The following PCDHGA1 variants were observed in gnomAD, a reference collection of about 807,000 sequenced individuals.
The protein encoded by PCDHGA1 is protocadherin gamma subfamily A, 1, also known as protocadherin gamma-A1.
In PCDHGA1, 32 loss-of-function variants were observed where a neutral mutation model predicts 58.0. The observed-to-expected ratio is 0.55, with a 90% confidence interval of 0.42 to 0.74. The LOEUF (loss-of-function observed/expected upper bound fraction) is 0.74. Among genes scored for constraint, PCDHGA1 ranks in the 30% least tolerant of loss-of-function variants. PCDHGA1 has a pLI of 0.00. For missense variants in PCDHGA1, 1,205 were observed against 1,182.3 expected, an observed-to-expected ratio of 1.02 and a Z score of -0.28; for synonymous variants, 498 against 501.1, an observed-to-expected ratio of 0.99 and a Z score of 0.08.
chr5:141,477,644 T>A lies in PCDHGA1; in HGVS notation c.2422-17163T>A. On this transcript the variant is annotated intron_variant, in intron 1 of 3. Coordinates refer to ENST00000517417, the MANE Select transcript of PCDHGA1 (RefSeq NM_018912.3). The surrounding 1 kb of genome is among the most constrained non-coding windows in gnomAD (Gnocchi z 4.9). ...TGAAACCGGGCTAGTGGGTCGCTAT[T>A]TCACAATAAATCGTGACAATGGCAT... The A allele has an allele frequency of 6.2e-7, 1 of 1,614,200 alleles. No homozygotes were observed. Among genetic ancestry groups the A allele is most frequent in the Non-Finnish European group, 8.5e-7 (1 of 1,180,036 alleles).
rs1561471412 is a variant in PCDHGA1, at chr5:141,331,593, TAAAG to T, written c.912_915del (p.Lys304AsnfsTer3). 1.1e-5 allele frequency: 17 copies of T among 1,613,894 alleles called. No individual in the cohort carries two copies. The highest frequency in any genetic ancestry group is 6.6e-5 in the South Asian group (6 of 91,082). On this transcript the variant is annotated frameshift_variant, in exon 1 of 4. Transcript: ENST00000517417. LOFTEE classifies it high-confidence loss of function. Reference sequence around the variant, plus strand: ...ATTCTTACACAGGAGAAATATCAAATAAAGAACCACTAGATTTCGAAGAATACAA... The same window carrying T: ...ATTCTTACACAGGAGAAATATCAAATAACCACTAGATTTCGAAGAATACAA...
intron 1 of PCDHGA1, chr5:141,418,387 G>T: frequency 1.9e-6 from 3 of 1,614,002 alleles, no homozygotes; most frequent in Non-Finnish European, 2.5e-6. Flanking sequence ...GTCCTAACGA[G>T]TATTTCTCAT....
chr5:141,500,318 C>T (rs1005060282), intron 2 of PCDHGA1, among the ~76,000 whole-genome samples: 3 of 151,948 alleles, frequency 2.0e-5, no homozygotes, highest in African/African-American at 7.3e-5. Context: ...ACGCCATGCT[C>T]CTGCCTCAGC....
rs568314069 is a variant in PCDHGA1 at position 141,486,371 on chromosome 5, G to C, written c.2422-8436G>C. 53 of 1,614,138 alleles carry C rather than the reference G, an allele frequency of 3.3e-5. 2 individuals are homozygous for C. The South Asian group carries it at 5.3e-4, about 16-fold the overall frequency. Reference sequence around the variant, plus strand: ...CCACTTGCCATTTGCCCTCAAGTCTGCCTTCAGGAACCAGTTCTCCCTGGT... The same window carrying C: ...CCACTTGCCATTTGCCCTCAAGTCTCCCTTCAGGAACCAGTTCTCCCTGGT... On this transcript the variant is annotated intron_variant, in intron 1 of 3. Transcript: ENST00000517417. The surrounding 1 kb of genome is among the most constrained non-coding windows in gnomAD (Gnocchi z 5.0).
intron 1 of PCDHGA1, among the ~76,000 whole-genome samples, chr5:141,467,950 C>T (rs780236016): frequency 2.6e-5 from 4 of 152,290 alleles, no homozygotes; most frequent in Admixed American, 6.5e-5. Context: ...TGAGCCACCA[C>T]ACCCGGCTGC....
rs558730748 is a variant in PCDHGA1, at chr5:141,469,995, G to A, written c.2422-24812G>A. Reference sequence around the variant, plus strand: ...AAAATACAAAAATTAGCTGGTCGTCGTGGCACGCCTGTAATCCCAGCTACT... The same window carrying A: ...AAAATACAAAAATTAGCTGGTCGTCATGGCACGCCTGTAATCCCAGCTACT... On this transcript the variant is annotated intron_variant, in intron 1 of 3. Coordinates refer to ENST00000517417, the MANE Select transcript of PCDHGA1 (RefSeq NM_018912.3). Among the ~76,000 whole-genome samples, 8 of 152,194 alleles carry A rather than the reference G, an allele frequency of 5.3e-5. No homozygotes were observed. In the East Asian group the frequency reaches 5.8e-4, roughly 11 times the overall value.
At chr5:141,363,105 T>C (rs542430438) in intron 1 of PCDHGA1, among the ~76,000 whole-genome samples, 1 of 152,370 alleles carries the variant, frequency 6.6e-6, no homozygotes, top group African/African-American at 2.4e-5. Context: ...CAGGCAATGT[T>C]TGAGGTCTGA....
chr5:141,392,942 C>T, intron 1 of PCDHGA1: 2 of 1,613,954 alleles, frequency 1.2e-6, no homozygotes, highest in Non-Finnish European at 1.7e-6. Context: ...ACAAAGGCTC[C>T]TTCGTGGGTA....
At chr5:141,356,906 C>A (rs768015584) in intron 1 of PCDHGA1, 2 of 1,614,228 alleles carry the variant, frequency 1.2e-6, no homozygotes, top group Non-Finnish European at 1.7e-6. Context: ...ACCTTCCCTA[C>A]TGATGGCTCC....
intron 1 of PCDHGA1, chr5:141,421,344 G>A: frequency 6.2e-7 from 1 of 1,613,976 alleles, no homozygotes; most frequent in Non-Finnish European, 8.5e-7. Context: ...TGCCAGAAGA[G>A]ACCGAAAAGG....
chr5:141,477,013 T>C lies in PCDHGA1; in HGVS notation c.2422-17794T>C. ...TGCGGCAACTATTCGCCTTAGACCT[T>C]GTAACCGGGATGCTGACAATCAAGG... On this transcript the variant is annotated intron_variant, in intron 1 of 3. Coordinates refer to ENST00000517417, the MANE Select transcript of PCDHGA1 (RefSeq NM_018912.3). The surrounding 1 kb of genome is among the most constrained non-coding windows in gnomAD (Gnocchi z 4.9). 6.2e-7 allele frequency: 1 copy of C among 1,614,204 alleles called. No homozygotes were observed. The highest frequency in any genetic ancestry group is 8.5e-7 in the Non-Finnish European group (1 of 1,180,028).
intron 1 of PCDHGA1, chr5:141,345,340 C>T (rs370949279): frequency 1.9e-6 from 3 of 1,614,058 alleles, no homozygotes; most frequent in Admixed American, 3.3e-5. Flanking sequence ...TCCACAGAAA[C>T]TCACATCACC....
chr5:141,365,585 A>G (rs749384821), intron 1 of PCDHGA1: 2 of 1,613,578 alleles, frequency 1.2e-6, no homozygotes, highest in Non-Finnish European at 1.7e-6. Context: ...TTCAGATTAT[A>G]ATATCACTTT....
At chr5:141,414,452 T>G in intron 1 of PCDHGA1, 1 of 1,613,886 alleles carries the variant, frequency 6.2e-7, no homozygotes, top group Non-Finnish European at 8.5e-7. Context: ...AATATCACAG[T>G]GACAGCCACA....
intron 1 of PCDHGA1, among the ~76,000 whole-genome samples, chr5:141,380,858 G>A (rs1193255513): frequency 6.6e-6 from 1 of 152,216 alleles, no homozygotes; most frequent in Non-Finnish European, 1.5e-5. Flanking sequence ...AAGACATTGA[G>A]AGCTATAACC....
At chr5:141,343,833 T>C (rs943041178) in intron 1 of PCDHGA1, 22 of 500,670 alleles carry the variant, frequency 4.4e-5, no homozygotes, top group African/African-American at 3.8e-4. Context: ...TAGTCCACCA[T>C]TTCCTTGCTC....
chr5:141,456,308 T>C (rs2098849199), intron 1 of PCDHGA1, among the ~76,000 whole-genome samples: 1 of 152,156 alleles, frequency 6.6e-6, no homozygotes, highest in Non-Finnish European at 1.5e-5. Context: ...GAACAGCAGC[T>C]AGGGCTCCTC....
At chr5:141,500,192 A>T (rs865941565) in intron 2 of PCDHGA1, among the ~76,000 whole-genome samples, 1 of 110,142 alleles carries the variant, frequency 9.1e-6, no homozygotes, top group Non-Finnish European at 2.0e-5. Context: ...ATTTTTATTT[A>T]TTTATTTATT....
chr5:141,344,748 C>G (rs1004554278), intron 1 of PCDHGA1: 3 of 1,613,884 alleles, frequency 1.9e-6, no homozygotes, highest in Non-Finnish European at 2.5e-6. Context: ...AAATGACAAC[C>G]CACCAATGTT....
Sources: gnomAD v4.1 joint callset for allele counts (sites outside exome capture counted in the v4.1 genomes callset) on GRCh38, gnomAD v4.1.1 for gene constraint, Gnocchi (gnomAD v3.1) non-coding constraint, MANE v1.5 for transcripts, NCBI Gene and HGNC (gene_info 2026-07-23, HGNC 2026-07-21) for gene names.